The following TXLNB variants were observed in gnomAD, a reference collection of about 807,000 sequenced individuals.
TXLNB encodes beta-taxilin.
In TXLNB, 37 loss-of-function variants were observed where a neutral mutation model predicts 57.4. The observed-to-expected ratio is 0.64, with a 90% CI of 0.50 to 0.85. The LOEUF (loss-of-function observed/expected upper bound fraction) is 0.85. TXLNB is among the 40% of genes least tolerant of loss of function. TXLNB has a pLI of 0.00. For synonymous variants in TXLNB, 302 were observed against 309.6 expected, an observed-to-expected ratio of 0.98 and a Z score of 0.26; for missense variants, 848 against 825.6, an observed-to-expected ratio of 1.03 and a Z score of -0.33.
chr6:139,280,997 G>A (rs1777033435), intron 2 of TXLNB, among the ~76,000 whole-genome samples: 1 of 152,168 alleles, frequency 6.6e-6, no homozygotes, highest in South Asian at 2.1e-4. Context: ...TTAAGGATAG[G>A]AGACCTGGGT....
chr6:139,200,548 G>A, the TXLNB span, among the ~76,000 whole-genome samples: 1 of 152,180 alleles, frequency 6.6e-6, no homozygotes, highest in Non-Finnish European at 1.5e-5. Context: ...ATGATCAATG[G>A]TGGATGTCGG....
chr6:139,249,639 G>A (rs73558593), intron 7 of TXLNB, among the ~76,000 whole-genome samples: 5,297 of 152,174 alleles, frequency 0.035, 319 homozygotes, highest in African/African-American at 0.12. Flanking sequence ...GAGGGAGTAT[G>A]TATGAGTCAA....
the TXLNB span, chr6:139,169,725 A>G: frequency 1.3e-5 from 2 of 152,184 alleles, no homozygotes; most frequent in African/African-American, 2.4e-5. Context: ...ACTTTTTCAC[A>G]TGTTGCTCTC....
At chr6:139,300,767 C>T in the TXLNB span, among the ~76,000 whole-genome samples, 4 of 152,080 alleles carry the variant, frequency 2.6e-5, no homozygotes, top group Admixed American at 6.6e-5. Flanking sequence ...TGGTGGCACG[C>T]GGCTGTAATC....
chr6:139,310,058 A>T, the TXLNB span, among the ~76,000 whole-genome samples: 1 of 152,206 alleles, frequency 6.6e-6, no homozygotes, highest in Non-Finnish European at 1.5e-5. Context: ...GCTTCTTGAC[A>T]TTGGCCTTGG....
chr6:139,219,079 T>C, the TXLNB span, among the ~76,000 whole-genome samples: 4 of 152,232 alleles, frequency 2.6e-5, no homozygotes, highest in African/African-American at 9.6e-5. Flanking sequence ...AAGTACTCAC[T>C]AATTGTATTC....
At chr6:139,319,938 A>G in the TXLNB span, among the ~76,000 whole-genome samples, 20 of 152,216 alleles carry the variant, frequency 1.3e-4, no homozygotes, top group Non-Finnish European at 2.6e-4. Context: ...AAAAGTAAAA[A>G]AAAAGTTATT....
At position 139,262,681 on chromosome 6, in the gene TXLNB, C is replaced by T; in HGVS notation, c.780G>A (p.Gln260=). 1 of 1,614,234 alleles carries T rather than the reference C, an allele frequency of 6.2e-7. No homozygotes were observed. Among genetic ancestry groups the T allele is most frequent in the Non-Finnish European group, 8.5e-7 (1 of 1,180,050 alleles). ...TATTTCGCTCACTCTGCTGCTCGAT[C>T]TGGCCCTGGATGTCCGTGAGGGTAC... ...FQSTLTDIQG[Q]IEQQSERNMK... Residue 260 remains glutamine (Q), a synonymous_variant, in exon 5 of 10, where the codon CAG becomes CAA. Coordinates refer to ENST00000358430, the MANE Select transcript of TXLNB (RefSeq NM_153235.4).
At chr6:139,237,721 T>C (rs1775852226), downstream of TXLNB, among the ~76,000 whole-genome samples, 1 of 152,090 alleles carries the variant, frequency 6.6e-6, no homozygotes, top group Non-Finnish European at 1.5e-5. Context: ...TGACTGTCAG[T>C]TCTGAAATAA....
chr6:139,252,673 G>T (rs143263347), intron 7 of TXLNB, among the ~76,000 whole-genome samples: 1 of 152,108 alleles, frequency 6.6e-6, no homozygotes, highest in Non-Finnish European at 1.5e-5. Context: ...CTTTTCCAGC[G>T]GTTCTTCAAC....
At chr6:139,182,468 G>A in the TXLNB span, among the ~76,000 whole-genome samples, 2,236 of 152,260 alleles carry the variant, frequency 0.015, 22 homozygotes, top group Non-Finnish European at 0.022. Flanking sequence ...CTTCTTATTG[G>A]TGGTTTCCAT....
At chr6:139,284,842 G>A (rs1406373409) in intron 2 of TXLNB, among the ~76,000 whole-genome samples, 1 of 146,502 alleles carries the variant, frequency 6.8e-6, no homozygotes, top group Non-Finnish European at 1.5e-5. Context: ...TAAGAAGGCT[G>A]CCAAAGCTAC....
chr6:139,268,594 G>A lies in TXLNB; in HGVS notation c.687+1862C>T, dbSNP rs1033695498. 5.3e-5 allele frequency among the ~76,000 whole-genome samples: 8 copies of A among 152,272 alleles called. No individual in the cohort carries two copies. In the East Asian group the frequency reaches 1.3e-3, roughly 26 times the overall value. On this transcript the variant is annotated intron_variant, in intron 4 of 9. Coordinates refer to ENST00000358430, the MANE Select transcript of TXLNB (RefSeq NM_153235.4). ...AATTCAAATTTCAAATATTGATTTT[G>A]ACATTTAAATATGCTTGATCTTGGA...
chr6:139,194,980 T>A, the TXLNB span, among the ~76,000 whole-genome samples: 3 of 152,218 alleles, frequency 2.0e-5, no homozygotes, highest in East Asian at 1.9e-4. Context: ...CAACACAAAT[T>A]TATTATCTTA....
the TXLNB span, among the ~76,000 whole-genome samples, chr6:139,303,574 C>T: frequency 6.6e-6 from 1 of 151,932 alleles, no homozygotes; most frequent in Non-Finnish European, 1.5e-5. Context: ...ATTGTTCATA[C>T]TGATGTTGGT....
the TXLNB span, among the ~76,000 whole-genome samples, chr6:139,321,853 C>T: frequency 6.2e-4 from 94 of 152,030 alleles, no homozygotes; most frequent in African/African-American, 2.1e-3. Context: ...AGGATGGTCT[C>T]GATCTCCTGA....
intron 4 of TXLNB, among the ~76,000 whole-genome samples, chr6:139,267,843 T>A (rs1335637763): frequency 2.0e-5 from 3 of 152,072 alleles, no homozygotes; most frequent in African/African-American, 7.2e-5. Context: ...TATCAGATAA[T>A]GTAGACATCC....
chr6:139,190,372 C>T, the TXLNB span, among the ~76,000 whole-genome samples: 3 of 142,982 alleles, frequency 2.1e-5, no homozygotes, highest in Admixed American at 7.4e-5. Context: ...TGCAGTGGCA[C>T]GATCTCAGCT....
chr6:139,170,642 G>A, the TXLNB span: 1 of 152,208 alleles, frequency 6.6e-6, no homozygotes, highest in African/African-American at 2.4e-5. Context: ...TGTTTGGTTG[G>A]AGCCAAGGGT....
Sources: gnomAD v4.1 joint callset for allele counts (sites outside exome capture counted in the v4.1 genomes callset) on GRCh38, gnomAD v4.1.1 for gene constraint, MANE v1.5 for transcripts, NCBI Gene and HGNC (gene_info 2026-07-23, HGNC 2026-07-21) for gene names.